Variants in NOSTRIN observed in about 807,000 individuals in gnomAD.
NOSTRIN encodes BM247 homolog.
A neutral mutation model predicts 59.0 loss-of-function variants in NOSTRIN; 63 were observed. That is an observed-to-expected ratio of 1.07 (90% confidence interval 0.87 to 1.32). The LOEUF (loss-of-function observed/expected upper bound fraction) is 1.32. Ranked by LOEUF, NOSTRIN falls within the 40% of genes most tolerant of loss-of-function variation. The pLI is 0.00. For synonymous variants in NOSTRIN, 200 were observed against 165.4 expected (o/e 1.21, Z -1.61); for missense variants, 512 against 473.1 (o/e 1.08, Z -0.76).
At chr2:168,834,517 A>ACACACT (rs1687599215) in intron 7 of NOSTRIN, among the ~76,000 whole-genome samples, 192 bp downstream of exon 7, 1 of 129,080 alleles carries the variant, frequency 7.7e-6, no homozygotes, top group Admixed American at 8.0e-5. Flanking sequence ...GCACACACAC[A>ACACACT]CACACACACA....
intron 1 of NOSTRIN, among the ~76,000 whole-genome samples, chr2:168,787,624 C>T (rs1044202724): frequency 6.6e-6 from 1 of 152,156 alleles, no homozygotes; most frequent in African/African-American, 2.4e-5. Flanking sequence ...CCTTATCAGC[C>T]ACAGTGTCCA....
rs1687405904 is a variant in NOSTRIN at position 168,832,205 on chromosome 2, T to C, written c.405+671T>C. On this transcript the variant is annotated intron_variant, in intron 6 of 15. Transcript: ENST00000317647. ...GTAATTTAAAATTTAGTTGGCTAGA[T>C]GACGTGTGCAGGAAATAGGGAATAC... 2.0e-5 allele frequency among the ~76,000 whole-genome samples: 3 copies of C among 151,904 alleles called. No homozygotes were observed. In the South Asian group the frequency reaches 6.2e-4, roughly 32 times the overall value.
At chr2:168,822,420 G>A (rs1341438231) in intron 2 of NOSTRIN, among the ~76,000 whole-genome samples, 2 of 152,178 alleles carry the variant, frequency 1.3e-5, no homozygotes, top group African/African-American at 2.4e-5. Flanking sequence ...TATAGAAGAG[G>A]GCTGTCTTTC....
chr2:168,817,422 G>T (rs1054427643), intron 2 of NOSTRIN, among the ~76,000 whole-genome samples: 1 of 152,234 alleles, frequency 6.6e-6, no homozygotes, highest in Non-Finnish European at 1.5e-5. Flanking sequence ...GGTTAAGTGG[G>T]CAGGGCTCTG....
At chr2:168,803,221 T>C (rs1012106918) in intron 1 of NOSTRIN, among the ~76,000 whole-genome samples, 2 of 152,178 alleles carry the variant, frequency 1.3e-5, no homozygotes, top group African/African-American at 4.8e-5. Flanking sequence ...GTTTTGGTAA[T>C]GTTTGGAGCA....
At chr2:168,819,745 T>C (rs985357970) in intron 2 of NOSTRIN, among the ~76,000 whole-genome samples, 5 of 152,220 alleles carry the variant, frequency 3.3e-5, no homozygotes, top group Non-Finnish European at 1.5e-5. Context: ...ATGCTAGTTC[T>C]AAACCCTTCG....
At chr2:168,850,596 ATTTT>A (rs546749506) in intron 8 of NOSTRIN, among the ~76,000 whole-genome samples, 1 of 139,248 alleles carries the variant, frequency 7.2e-6, no homozygotes, top group African/African-American at 2.6e-5. Context: ...ATTCTTCCCA[ATTTT>A]TTTTTTTTTT....
Position 168,802,688 on chromosome 2 carries a change from G to A in NOSTRIN, c.27+15G>A, listed in dbSNP as rs1481023167. ...CAGATTGTCCGGTGAGTAGCTCAGT[G>A]TGGTTTGTGTGCCTGCGTGTGAGGA... On this transcript the variant is annotated intron_variant, in intron 1 of 15. Transcript: ENST00000317647. The A allele has an allele frequency of 4.6e-6, 4 of 868,686 alleles. No homozygotes were observed. In the East Asian group the frequency reaches 9.6e-5, roughly 21 times the overall value. The allele number at this position is 868,686 out of a possible 1,614,324, so 53.8% of individuals were successfully genotyped here.
At chr2:168,787,428 C>G (rs1470357972) in intron 1 of NOSTRIN, among the ~76,000 whole-genome samples, 2 of 152,190 alleles carry the variant, frequency 1.3e-5, no homozygotes, top group Non-Finnish European at 2.9e-5. Context: ...CTTACTTGGC[C>G]TTGAAGACTA....
At position 168,851,417 on chromosome 2, in the gene NOSTRIN, T is replaced by A. The variant is rs1559137131; in HGVS notation, c.855+13T>A. ...AACGGATTACTTTGTGAGTATGAAATGGAAAAAAAAAGTTACATTAATGGA... is the reference window on the plus strand; with the variant it reads ...AACGGATTACTTTGTGAGTATGAAAAGGAAAAAAAAAGTTACATTAATGGA... On this transcript the variant is annotated intron_variant, in intron 10 of 15. Coordinates refer to ENST00000317647, the MANE Select transcript of NOSTRIN (RefSeq NM_001039724.4). 5.0e-6 allele frequency: 8 copies of A among 1,586,286 alleles called. No individual in the cohort carries two copies. In the Admixed American group the frequency reaches 5.8e-5, roughly 11 times the overall value.
intron 3 of NOSTRIN, among the ~76,000 whole-genome samples, chr2:168,826,141 C>A (rs950693050): frequency 6.6e-6 from 1 of 152,172 alleles, no homozygotes; most frequent in African/African-American, 2.4e-5. Flanking sequence ...AAGACGTGTG[C>A]TTAGCAGAGT....
intron 10 of NOSTRIN, among the ~76,000 whole-genome samples, chr2:168,855,056 A>T (rs1427089938): frequency 1.3e-5 from 2 of 152,182 alleles, no homozygotes; most frequent in African/African-American, 4.8e-5. Context: ...CAACAAATAG[A>T]TTTATCAAGA....
chr2:168,854,608 T>G lies in NOSTRIN; in HGVS notation c.856-744T>G, dbSNP rs75458689. Among the ~76,000 whole-genome samples, 739 of 152,258 alleles carry G rather than the reference T, an allele frequency of 4.9e-3. 8 individuals carry two copies. In the East Asian group the frequency reaches 0.055, roughly 11 times the overall value. ...TGAACAATTTTTTCTTCCCCTATTT[T>G]TTTGCTCATGCAACAGGTGTCTTTA... On this transcript the variant is annotated intron_variant, in intron 10 of 15. Transcript: ENST00000317647.
At chr2:168,806,724 T>C (rs1361336994) in intron 1 of NOSTRIN, among the ~76,000 whole-genome samples, 1 of 152,110 alleles carries the variant, frequency 6.6e-6, no homozygotes, top group African/African-American at 2.4e-5. Context: ...TATGAATTCA[T>C]ATGGAGATGT....
chr2:168,827,196 A>G (rs1012295408), intron 3 of NOSTRIN, among the ~76,000 whole-genome samples: 8 of 152,138 alleles, frequency 5.3e-5, no homozygotes, highest in Admixed American at 2.6e-4. Flanking sequence ...TCTTGATGTG[A>G]TTGGACTTAC....
chr2:168,841,013 G>A (rs900849580), intron 7 of NOSTRIN, among the ~76,000 whole-genome samples: 26 of 152,134 alleles, frequency 1.7e-4, no homozygotes, highest in Admixed American at 5.9e-4. Context: ...AAAATTTTGG[G>A]AGGCTGAGGT....
At chr2:168,800,933 T>C (rs2105511040), upstream of NOSTRIN, 1 of 114,678 alleles carries the variant, frequency 8.7e-6, no homozygotes, top group Non-Finnish European at 1.9e-5. Flanking sequence ...AAAAAAGAGA[T>C]GGGGTGTTGC....
At chr2:168,812,480 G>C (rs997828226) in intron 2 of NOSTRIN, among the ~76,000 whole-genome samples, 1 of 152,038 alleles carries the variant, frequency 6.6e-6, no homozygotes, top group African/African-American at 2.4e-5. Context: ...TTCTGAAAAC[G>C]AGTTAGATTA....
intron 8 of NOSTRIN, 147 bp from the exon 9 acceptor site, chr2:168,850,937 C>G (rs778557583): frequency 1.2e-6 from 1 of 804,506 alleles, no homozygotes; most frequent in African/African-American, 1.7e-5. Context: ...CTGGAAATCT[C>G]CCTCCACTAT....
Sources: allele counts gnomAD v4.1 joint callset (sites outside exome capture counted in the v4.1 genomes callset), GRCh38; gene constraint gnomAD v4.1.1; transcripts MANE v1.5; gene names NCBI Gene and HGNC (gene_info 2026-07-23, HGNC 2026-07-21).